The following LY75 variants were observed in gnomAD, a reference collection of about 807,000 sequenced individuals.
LY75 encodes the protein lymphocyte antigen 75, also known as C-type lectin domain family 13 member B.
A neutral mutation model predicts 231.7 loss-of-function variants in LY75; 185 were observed. The observed-to-expected ratio is 0.80, with a 90% CI of 0.71 to 0.90. The LOEUF (loss-of-function observed/expected upper bound fraction) is 0.90. Among genes scored for constraint, LY75 ranks in the 40% least tolerant of loss-of-function variants. The pLI is 0.00. For synonymous variants in LY75, 668 were observed against 689.0 expected, an observed-to-expected ratio of 0.97 and a Z score of 0.48; for missense variants, 1,947 against 2,050.2, an observed-to-expected ratio of 0.95 and a Z score of 0.97.
chr2:159,878,879 C>A (rs1447497967), intron 9 of LY75, 158 bp from the exon 10 acceptor site: 6 of 330,712 alleles, frequency 1.8e-5, no homozygotes, highest in African/African-American at 1.3e-4. Context: ...GATGCAATTT[C>A]ACAGATAACC....
At position 159,883,705 on chromosome 2, in the gene LY75, A is replaced by C. The variant is rs76481286; in HGVS notation, c.1055-1390T>G. Among the ~76,000 whole-genome samples the C allele has an allele frequency of 3.1e-3, 468 of 152,204 alleles. 2 individuals are homozygous for C. The highest frequency in any genetic ancestry group is 0.011 in the African/African-American group (437 of 41,530). On this transcript the variant is annotated intron_variant, in intron 6 of 34. Coordinates refer to ENST00000263636, the MANE Select transcript of LY75 (RefSeq NM_002349.4). Reference sequence around the variant, plus strand: ...TCATCAATTGCTCTAGTTTATTTTCATTTGTGCTGGCTTTTCTATTATGCC... The same window carrying C: ...TCATCAATTGCTCTAGTTTATTTTCCTTTGTGCTGGCTTTTCTATTATGCC...
In LY75 at chr2:159,852,267, C is replaced by T; in HGVS notation, c.2817G>A (p.Glu939=). The T allele has an allele frequency of 2.5e-6, 4 of 1,614,066 alleles. No homozygotes were observed. Among genetic ancestry groups the T allele is most frequent in the Non-Finnish European group, 2.5e-6 (3 of 1,179,996 alleles). ...ICEKYNVSSL[E]KYSPDSAAKV... The stretch of plus-strand genomic sequence containing the variant: ...TAGCTGCAGAATCTGGGCTGTATTT[C>T]TCTAACGAAGAAACATTATATTTTT... The change falls in exon 21 of 35, where the codon GAG becomes GAA. Residue 939 remains glutamate (E), a synonymous_variant. Transcript: ENST00000263636.
At chr2:159,897,634 C>T (rs1445588931) in intron 2 of LY75, among the ~76,000 whole-genome samples, 1 of 152,042 alleles carries the variant, frequency 6.6e-6, no homozygotes, top group East Asian at 1.9e-4. Flanking sequence ...GACTTTGAGG[C>T]CAAATTTAGC....
intron 13 of LY75, among the ~76,000 whole-genome samples, chr2:159,871,533 G>A (rs924890731): frequency 6.6e-6 from 1 of 151,936 alleles, no homozygotes; most frequent in Non-Finnish European, 1.5e-5. Context: ...AGTATTTTGT[G>A]GCCCCTTCCT....
At chr2:159,895,684 C>T (rs1391736823) in intron 2 of LY75, among the ~76,000 whole-genome samples, 1 of 152,206 alleles carries the variant, frequency 6.6e-6, no homozygotes, top group African/African-American at 2.4e-5. Flanking sequence ...TGATTAGACT[C>T]TTGACCTATA....
rs192635633 is a variant in LY75, at chr2:159,826,748, C to A, written c.3958+4922G>T. ...TAACCAAAACATCATGGTACTGGTA[C>A]CAAAACAGAGATATAGACCAATGGA... On this transcript the variant is annotated intron_variant, in intron 28 of 34. Transcript: ENST00000263636. Among the ~76,000 whole-genome samples, 10 of 152,172 alleles carry A rather than the reference C, an allele frequency of 6.6e-5. No individual in the cohort carries two copies. The East Asian group carries it at 1.9e-3, about 29-fold the overall frequency.
intron 21 of LY75, among the ~76,000 whole-genome samples, chr2:159,850,789 T>TAA (rs1553805699): frequency 5.6e-5 from 5 of 88,672 alleles, no homozygotes; most frequent in African/African-American, 1.5e-4. Context: ...TATATATATA[T>TAA]ATATATATAT....
chr2:159,839,936 G>A (rs984530224), intron 25 of LY75, among the ~76,000 whole-genome samples: 2 of 143,534 alleles, frequency 1.4e-5, no homozygotes, highest in Non-Finnish European at 3.0e-5. Flanking sequence ...AACCTTGGAG[G>A]TGGAGGTTGC....
At chr2:159,816,103 CT>C (rs1683112489) in intron 30 of LY75, among the ~76,000 whole-genome samples, 3 of 151,856 alleles carry the variant, frequency 2.0e-5, no homozygotes, top group Admixed American at 2.0e-4. Flanking sequence ...ACTTGCCATG[CT>C]TTTAAAAAAA....
chr2:159,824,423 C>G (rs1364383073), intron 28 of LY75, among the ~76,000 whole-genome samples: 1 of 152,120 alleles, frequency 6.6e-6, no homozygotes, highest in Admixed American at 6.5e-5. Flanking sequence ...GTTAACTATC[C>G]AAAACATATA....
chr2:159,822,565 G>C lies in LY75; in HGVS notation c.3959-2645C>G, dbSNP rs183952044. On this transcript the variant is annotated intron_variant, in intron 28 of 34. Transcript: ENST00000263636. Reference sequence around the variant, plus strand: ...ACTTATAGCAGAGTTAAACATCCCTGCCTGATGGCTCTGAAGAGAGCAGCG... The same window carrying C: ...ACTTATAGCAGAGTTAAACATCCCTCCCTGATGGCTCTGAAGAGAGCAGCG... Among the ~76,000 whole-genome samples, 222 of 152,318 alleles carry C rather than the reference G, an allele frequency of 1.5e-3. 1 individual carries two copies. Among genetic ancestry groups the C allele is most frequent in the Non-Finnish European group, 4.1e-4 (28 of 68,016 alleles).
intron 1 of LY75, among the ~76,000 whole-genome samples, chr2:159,904,230 G>A (rs1251893192): frequency 6.6e-6 from 1 of 152,210 alleles, no homozygotes; most frequent in Non-Finnish European, 1.5e-5. Context: ...ACGCAAGAGG[G>A]CAGATGGGGA....
chr2:159,893,789 A>T (rs779367346), intron 3 of LY75, 125 bp downstream of exon 3: 5 of 1,353,958 alleles, frequency 3.7e-6, no homozygotes, highest in Non-Finnish European at 3.9e-6. Context: ...TCCTCCAAAC[A>T]TACACTTCTT....
At chr2:159,857,230 T>C (rs2729719) in intron 16 of LY75, among the ~76,000 whole-genome samples, 132,355 of 152,110 alleles carry the variant, frequency 0.87, 59,287 homozygotes, top group East Asian at 1. Context: ...GAAAGAGATT[T>C]GCTACTACCT....
chr2:159,807,214 C>G, intron 33 of LY75, 74 bp from the exon 34 acceptor site: 1 of 1,496,920 alleles, frequency 6.7e-7, no homozygotes, highest in Non-Finnish European at 9.0e-7. Context: ...GTTCATGTAA[C>G]TCATCAGAAC....
chr2:159,859,581 T>C (rs1056455292), intron 15 of LY75, among the ~76,000 whole-genome samples: 1 of 152,232 alleles, frequency 6.6e-6, no homozygotes, highest in African/African-American at 2.4e-5. Context: ...ATATCTGAAC[T>C]AAAACATACA....
intron 15 of LY75, among the ~76,000 whole-genome samples, chr2:159,859,448 AT>A (rs1684635690): frequency 6.6e-6 from 1 of 152,126 alleles, no homozygotes; most frequent in Non-Finnish European, 1.5e-5. Context: ...CACTCTATAT[AT>A]TGGCAGTTCC....
chr2:159,835,244 C>T (rs1486354695), intron 26 of LY75, among the ~76,000 whole-genome samples: 3 of 151,902 alleles, frequency 2.0e-5, no homozygotes, highest in Admixed American at 1.3e-4. Context: ...AGTGTTAATC[C>T]CCATTGTCAG....
At chr2:159,805,894 G>C (rs2125825307) in intron 34 of LY75, among the ~76,000 whole-genome samples, 1 of 151,946 alleles carries the variant, frequency 6.6e-6, no homozygotes, top group Non-Finnish European at 1.5e-5. Context: ...AATAAAACCA[G>C]AACTCAAGCC....
Sources: allele counts gnomAD v4.1 joint callset (sites outside exome capture counted in the v4.1 genomes callset), GRCh38; gene constraint gnomAD v4.1.1; transcripts MANE v1.5; gene names NCBI Gene and HGNC (gene_info 2026-07-23, HGNC 2026-07-21).